AGBL4: variants seen among roughly 807,000 people sequenced by gnomAD.
AGBL4 encodes cytosolic carboxypeptidase 6.
A neutral mutation model predicts 66.4 loss-of-function variants in AGBL4; 58 were observed. That is an observed-to-expected ratio of 0.87 (90% CI 0.71 to 1.09). AGBL4 has a LOEUF of 1.09. AGBL4 is among the 50% of genes least tolerant of loss of function. AGBL4 has a pLI of 0.00. For missense variants in AGBL4, 579 were observed against 631.0 expected (o/e 0.92, Z 0.88); for synonymous variants, 234 against 222.9 (o/e 1.05, Z -0.44).
intron 3 of AGBL4, among the ~76,000 whole-genome samples, chr1:49,495,670 T>A (rs554298446): frequency 7.2e-5 from 11 of 151,910 alleles, no homozygotes; most frequent in African/African-American, 2.7e-4. Flanking sequence ...ATAATAGGGG[T>A]CTTAATGGTT....
the AGBL4 span, among the ~76,000 whole-genome samples, chr1:48,526,500 G>C: frequency 7.9e-5 from 12 of 152,170 alleles, no homozygotes; most frequent in Non-Finnish European, 1.6e-4. Flanking sequence ...GGGCAGAACA[G>C]CAGTAACAGT....
chr1:49,823,146 C>T (rs9887867), intron 2 of AGBL4, among the ~76,000 whole-genome samples: 1 of 152,154 alleles, frequency 6.6e-6, no homozygotes, highest in Non-Finnish European at 1.5e-5. Context: ...CAAGAAATAA[C>T]TTTTGCTTAT....
At chr1:49,495,461 T>G (rs187682041) in intron 3 of AGBL4, among the ~76,000 whole-genome samples, 3 of 152,114 alleles carry the variant, frequency 2.0e-5, no homozygotes, top group African/African-American at 7.2e-5. Context: ...TCCAAAAGAT[T>G]AGACAGCCCT....
chr1:49,083,570 G>T (rs779729286), intron 4 of AGBL4, among the ~76,000 whole-genome samples: 1 of 152,182 alleles, frequency 6.6e-6, no homozygotes, highest in Non-Finnish European at 1.5e-5. Flanking sequence ...AAGAGCGGGG[G>T]GCCCTGGGCC....
chr1:49,937,061 C>T (rs903741020), intron 1 of AGBL4, among the ~76,000 whole-genome samples: 1 of 152,140 alleles, frequency 6.6e-6, no homozygotes, highest in Non-Finnish European at 1.5e-5. Flanking sequence ...AATAAAGAGT[C>T]AAGACCCATC....
chr1:49,587,170 C>G (rs1475319898), intron 3 of AGBL4, among the ~76,000 whole-genome samples: 3 of 151,886 alleles, frequency 2.0e-5, no homozygotes, highest in Admixed American at 2.0e-4. Context: ...TGCTTGAACC[C>G]AGGAGGCAGA....
intron 6 of AGBL4, among the ~76,000 whole-genome samples, chr1:48,794,935 G>T (rs1645635162): frequency 6.6e-6 from 1 of 152,106 alleles, no homozygotes; most frequent in Admixed American, 6.5e-5. Flanking sequence ...TGAGAAGCCT[G>T]CTTCTCCTGA....
rs531547200 is a variant in AGBL4, at chr1:49,760,092, A to G, written c.158-62655T>C. The stretch of plus-strand genomic sequence containing the variant: ...ATGCCACCAAATCATCTGCTTTAAA[A>G]TGGTTAATTTTTTTGAAAATTGTTC... On this transcript the variant is annotated intron_variant, in intron 2 of 13. Coordinates refer to ENST00000371839, the MANE Select transcript of AGBL4 (RefSeq NM_032785.4). Among the ~76,000 whole-genome samples, 37 of 131,880 alleles carry G rather than the reference A, an allele frequency of 2.8e-4. 1 individual carries two copies. In the South Asian group the frequency reaches 9.0e-3, roughly 32 times the overall value. 86.5% of individuals were successfully genotyped at this position (131,880 alleles called of 152,430 possible). A position where few individuals can be genotyped will look rare whatever the true frequency, so the allele number is the denominator to read the frequency against.
chr1:49,133,545 A>G (rs924658817), intron 4 of AGBL4, among the ~76,000 whole-genome samples: 1 of 152,186 alleles, frequency 6.6e-6, no homozygotes. Flanking sequence ...AAAATACCAT[A>G]TTCCTCCATC....
intron 2 of AGBL4, among the ~76,000 whole-genome samples, chr1:49,798,440 A>T (rs1268478566): frequency 6.6e-6 from 1 of 152,180 alleles, no homozygotes; most frequent in Admixed American, 6.5e-5. Flanking sequence ...CCATTAATGC[A>T]TGCATTTAAA....
chr1:49,939,003 G>C (rs1654438597), intron 1 of AGBL4, among the ~76,000 whole-genome samples: 2 of 152,016 alleles, frequency 1.3e-5, no homozygotes, highest in South Asian at 4.1e-4. Flanking sequence ...CTTCAGCAAA[G>C]TCTCAGGATA....
chr1:48,736,212 C>A lies in AGBL4; in HGVS notation c.635-72971G>T. 5 of 1,591,024 alleles carry A rather than the reference C, an allele frequency of 3.1e-6. No individual in the cohort carries two copies. Among genetic ancestry groups the A allele is most frequent in the Non-Finnish European group, 4.3e-6 (5 of 1,159,166 alleles). ...GACAGAGTAAAAGACAGAATCCCAG[C>A]CATTGTGTTTCCACTCAGTGACCTA... On this transcript the variant is annotated intron_variant, in intron 6 of 13. Coordinates refer to ENST00000371839, the MANE Select transcript of AGBL4 (RefSeq NM_032785.4). The surrounding 1 kb of genome is among the most constrained non-coding windows in gnomAD (Gnocchi z 4.0).
At chr1:49,576,444 G>T (rs1291620917) in intron 3 of AGBL4, among the ~76,000 whole-genome samples, 1 of 152,184 alleles carries the variant, frequency 6.6e-6, no homozygotes, top group Non-Finnish European at 1.5e-5. Flanking sequence ...AGGGCTCTGG[G>T]ATTTTGGAGC....
Position 49,259,349 on chromosome 1 carries a change from G to C in AGBL4, c.283-13485C>G, listed in dbSNP as rs536880956. Among the ~76,000 whole-genome samples the C allele has an allele frequency of 4.6e-5, 7 of 152,200 alleles. No homozygotes were observed. The South Asian group carries it at 1.5e-3, about 32-fold the overall frequency. ...AATGGACTAAATGCTCCAATTAAAA[G>C]ACACAGACTGGCAAATTGGATAAAG... On this transcript the variant is annotated intron_variant, in intron 3 of 13. Transcript: ENST00000371839.
At chr1:49,502,083 C>T (rs759469922) in intron 3 of AGBL4, among the ~76,000 whole-genome samples, 1 of 152,038 alleles carries the variant, frequency 6.6e-6, no homozygotes, top group Non-Finnish European at 1.5e-5. Context: ...ATGTGTTCTG[C>T]TGCTGTTGGG....
intron 1 of AGBL4, among the ~76,000 whole-genome samples, chr1:49,986,314 C>T (rs147224364): frequency 5.3e-5 from 8 of 152,010 alleles, no homozygotes; most frequent in Admixed American, 2.0e-4. Flanking sequence ...TTAATATTAA[C>T]GAAATAATAT....
intron 1 of AGBL4, among the ~76,000 whole-genome samples, chr1:49,873,813 T>C (rs1646899550): frequency 6.6e-6 from 1 of 151,938 alleles, no homozygotes; most frequent in Non-Finnish European, 1.5e-5. Flanking sequence ...CTTGGCAAAA[T>C]AAACATCTAA....
intron 3 of AGBL4, among the ~76,000 whole-genome samples, chr1:49,339,258 C>A (rs1645492444): frequency 6.6e-6 from 1 of 152,160 alleles, no homozygotes; most frequent in East Asian, 1.9e-4. Context: ...AACTGCAGAA[C>A]ATTAAATTTC....
At chr1:48,565,332 C>A (rs200667713) in intron 11 of AGBL4, among the ~76,000 whole-genome samples, 1 of 152,238 alleles carries the variant, frequency 6.6e-6, no homozygotes, top group Admixed American at 6.5e-5. Context: ...CTCTCCCTAC[C>A]GCCAACATAA....
Sources: gnomAD v4.1 joint callset for allele counts (sites outside exome capture counted in the v4.1 genomes callset) on GRCh38, gnomAD v4.1.1 for gene constraint, Gnocchi (gnomAD v3.1) non-coding constraint, MANE v1.5 for transcripts, NCBI Gene and HGNC (gene_info 2026-07-23, HGNC 2026-07-21) for gene names.